Variants in HS6ST3 observed in about 807,000 individuals in gnomAD.
The protein encoded by HS6ST3 is heparan-sulfate 6-O-sulfotransferase 3.
Under a neutral mutation model 36.7 loss-of-function variants are expected in HS6ST3, and 12 were observed. That is an observed-to-expected ratio of 0.33 (90% confidence interval 0.21 to 0.53). HS6ST3 has a LOEUF of 0.53. Among genes scored for constraint, HS6ST3 ranks in the 20% least tolerant of loss-of-function variants. The pLI, the probability that HS6ST3 is intolerant of heterozygous loss-of-function variation, is 0.95. For synonymous variants in HS6ST3, 240 were observed against 257.5 expected, an observed-to-expected ratio of 0.93 and a Z score of 0.65; for missense variants, 584 against 640.9, an observed-to-expected ratio of 0.91 and a Z score of 0.96.
At chr13:96,569,739 C>A (rs551613067) in intron 1 of HS6ST3, among the ~76,000 whole-genome samples, 2 of 152,138 alleles carry the variant, frequency 1.3e-5, no homozygotes, top group Non-Finnish European at 2.9e-5. Flanking sequence ...AAATAAAGAC[C>A]AATTTGTCTA....
intron 1 of HS6ST3, among the ~76,000 whole-genome samples, chr13:96,333,582 A>G (rs1335125441): frequency 6.6e-6 from 1 of 152,140 alleles, no homozygotes; most frequent in African/African-American, 2.4e-5. Flanking sequence ...AAGCTTTTGG[A>G]GTAGCAATAG....
intron 1 of HS6ST3, among the ~76,000 whole-genome samples, chr13:96,557,666 G>T (rs1566395985): frequency 6.6e-6 from 1 of 152,130 alleles, no homozygotes; most frequent in African/African-American, 2.4e-5. Context: ...GCTGCATGGG[G>T]CTAGGTATGT....
chr13:96,377,251 A>G (rs2055319319), intron 1 of HS6ST3, among the ~76,000 whole-genome samples: 1 of 151,500 alleles, frequency 6.6e-6, no homozygotes, highest in Non-Finnish European at 1.5e-5. Context: ...GCTACTTGGG[A>G]GGCTTAGGTG....
chr13:96,351,850 T>A (rs945668825), intron 1 of HS6ST3, among the ~76,000 whole-genome samples: 3 of 152,182 alleles, frequency 2.0e-5, no homozygotes, highest in Non-Finnish European at 4.4e-5. Flanking sequence ...CAGTGTAGCT[T>A]CTAGCAAAAA....
intron 1 of HS6ST3, among the ~76,000 whole-genome samples, chr13:96,236,329 A>T (rs554427894): frequency 2.0e-5 from 3 of 152,154 alleles, no homozygotes; most frequent in African/African-American, 7.2e-5. Context: ...AATCCAATCA[A>T]GTTGACACTT....
chr13:96,333,802 A>C (rs1359452064), intron 1 of HS6ST3, among the ~76,000 whole-genome samples: 1 of 152,222 alleles, frequency 6.6e-6, no homozygotes, highest in Non-Finnish European at 1.5e-5. Context: ...TTACAGCTCC[A>C]ATTGAAAGAA....
intron 1 of HS6ST3, chr13:96,574,639 C>A: frequency 5.1e-6 from 1 of 195,144 alleles, no homozygotes; most frequent in Non-Finnish European, 1.1e-5. Context: ...GCCAAGTCTG[C>A]CTCCCCTTAA....
At chr13:96,715,806 T>C (rs1028685956) in intron 1 of HS6ST3, among the ~76,000 whole-genome samples, 9 of 152,172 alleles carry the variant, frequency 5.9e-5, no homozygotes, top group African/African-American at 2.2e-4. Context: ...TTGGTTCATA[T>C]ACAGTTTTAA....
intron 1 of HS6ST3, among the ~76,000 whole-genome samples, chr13:96,229,907 A>G (rs2054499635): frequency 6.6e-6 from 1 of 152,216 alleles, no homozygotes; most frequent in South Asian, 2.1e-4. Context: ...AAGGATTCAC[A>G]GAGAGGGAAA....
intron 1 of HS6ST3, among the ~76,000 whole-genome samples, chr13:96,482,728 T>A (rs1434555080): frequency 6.6e-6 from 1 of 152,200 alleles, no homozygotes; most frequent in Non-Finnish European, 1.5e-5. Flanking sequence ...AAGATAGAAA[T>A]CTACGGAAGG....
At chr13:96,381,422 CTATCTAT>C (rs2055340998) in intron 1 of HS6ST3, among the ~76,000 whole-genome samples, 2 of 151,614 alleles carry the variant, frequency 1.3e-5, no homozygotes, top group Non-Finnish European at 2.9e-5. Context: ...ATCTATCTAT[CTATCTAT>C]CTATCTATCA....
intron 1 of HS6ST3, among the ~76,000 whole-genome samples, chr13:96,516,206 C>T (rs2056072145): frequency 6.6e-6 from 1 of 151,894 alleles, no homozygotes; most frequent in Non-Finnish European, 1.5e-5. Context: ...GGACTAGAGG[C>T]ACACACCACC....
At chr13:96,707,066 A>G (rs551661479) in intron 1 of HS6ST3, among the ~76,000 whole-genome samples, 4 of 152,300 alleles carry the variant, frequency 2.6e-5, no homozygotes, top group African/African-American at 9.6e-5. Context: ...TCATCTTTGC[A>G]TCCTGGAGGC....
intron 1 of HS6ST3, among the ~76,000 whole-genome samples, chr13:96,180,209 C>T (rs1264776838): frequency 3.3e-5 from 5 of 152,164 alleles, no homozygotes; most frequent in Admixed American, 6.5e-5. Context: ...CACACACACA[C>T]GCCAACCAAC....
At chr13:96,357,271 T>A (rs2055214794) in intron 1 of HS6ST3, among the ~76,000 whole-genome samples, 1 of 152,226 alleles carries the variant, frequency 6.6e-6, no homozygotes, top group African/African-American at 2.4e-5. Context: ...CTTCCAGAAC[T>A]TTTCCTTTGC....
chr13:96,132,580 G>GT (rs1218643245), intron 1 of HS6ST3, among the ~76,000 whole-genome samples: 1 of 151,784 alleles, frequency 6.6e-6, no homozygotes, highest in Non-Finnish European at 1.5e-5. Context: ...TAATTTTTAA[G>GT]TTTTTTGTAG....
chr13:96,779,432 GC>G (rs1344725831), intron 1 of HS6ST3, among the ~76,000 whole-genome samples: 1 of 152,058 alleles, frequency 6.6e-6, no homozygotes, highest in African/African-American at 2.4e-5. Context: ...GTTTTGAGAT[GC>G]TCAACAACTA....
intron 1 of HS6ST3, among the ~76,000 whole-genome samples, chr13:96,552,613 A>G (rs2056223628): frequency 6.6e-6 from 1 of 152,204 alleles, no homozygotes; most frequent in Non-Finnish European, 1.5e-5. Context: ...CATCCCGGCC[A>G]GCAAGAGCTA....
At chr13:96,131,655 C>T (rs2053976186) in intron 1 of HS6ST3, among the ~76,000 whole-genome samples, 1 of 151,774 alleles carries the variant, frequency 6.6e-6, no homozygotes, top group Admixed American at 6.6e-5. Flanking sequence ...TTATTCCTCC[C>T]ATCTAATTGA....
Sources: allele counts gnomAD v4.1 joint callset (sites outside exome capture counted in the v4.1 genomes callset), GRCh38; gene constraint gnomAD v4.1.1; transcripts MANE v1.5; gene names NCBI Gene and HGNC (gene_info 2026-07-23, HGNC 2026-07-21).